The following DARS1 variants were observed in gnomAD, a reference collection of about 807,000 sequenced individuals.
The protein encoded by DARS1 is aspartate--tRNA ligase, cytoplasmic.
Under a neutral mutation model 68.8 loss-of-function variants are expected in DARS1, and 51 were observed. The ratio of observed to expected loss-of-function variants is 0.74; its 90% CI spans 0.59 to 0.94. DARS1 has a LOEUF of 0.94. DARS1 is among the 40% of genes least tolerant of loss of function. The pLI is 0.00. For missense variants in DARS1, 607 were observed against 597.3 expected (o/e 1.02, Z -0.17); for synonymous variants, 203 against 190.4 (o/e 1.07, Z -0.55).
At chr2:135,926,430 G>A (rs913807259) in intron 7 of DARS1, among the ~76,000 whole-genome samples, 73 of 151,868 alleles carry the variant, frequency 4.8e-4, no homozygotes, top group African/African-American at 1.7e-3. Context: ...ATAGGAAGAC[G>A]GCACCTACTT....
At chr2:135,921,150 T>C (rs1681103883) in intron 9 of DARS1, among the ~76,000 whole-genome samples, 1 of 149,946 alleles carries the variant, frequency 6.7e-6, no homozygotes, top group Admixed American at 6.6e-5. Context: ...CTCAGTGCCT[T>C]TTCCTCCTGT....
rs1575382595 is a variant in DARS1, at chr2:135,914,376, AT to A, written c.1149+92del. ...TTTTTATTTATTCCAGAATCATACC[AT>A]TCTAGGAAGCTCAGACCCCTCTGCA... On this transcript the variant is annotated intron_variant, in intron 12 of 15. Transcript: ENST00000264161. 3.8e-6 allele frequency: 3 copies of A among 785,426 alleles called. 1 individual carries two copies. Among genetic ancestry groups the A allele is most frequent in the Non-Finnish European group, 2.2e-6 (1 of 450,772 alleles). The allele number at this position is 785,426 out of a possible 1,614,324, so 48.7% of individuals were successfully genotyped here. A position where few individuals can be genotyped will look rare whatever the true frequency, so the allele number is the denominator to read the frequency against.
intron 5 of DARS1, among the ~76,000 whole-genome samples, chr2:135,940,688 G>C (rs549759589): frequency 1.3e-5 from 2 of 152,212 alleles, no homozygotes; most frequent in South Asian, 4.2e-4. Context: ...AGGAATAAAG[G>C]GTATTCAATT....
At chr2:135,966,265 T>G (rs1194985806) in intron 3 of DARS1, among the ~76,000 whole-genome samples, 2 of 145,824 alleles carry the variant, frequency 1.4e-5, no homozygotes, top group Non-Finnish European at 3.0e-5. Context: ...GTGAGACCTC[T>G]ATTTCCATAT....
intron 7 of DARS1, among the ~76,000 whole-genome samples, chr2:135,928,246 G>A (rs1317776740): frequency 6.6e-6 from 1 of 152,102 alleles, no homozygotes; most frequent in Non-Finnish European, 1.5e-5. Flanking sequence ...GTTCATTTAT[G>A]GTTTATCAGG....
chr2:135,965,070 T>A (rs1308600035), intron 3 of DARS1, among the ~76,000 whole-genome samples: 1 of 151,682 alleles, frequency 6.6e-6, no homozygotes, highest in African/African-American at 2.4e-5. Flanking sequence ...CAATAGAACA[T>A]AAGAAAAAAT....
intron 3 of DARS1, among the ~76,000 whole-genome samples, chr2:135,977,740 C>G (rs759705744): frequency 1.3e-5 from 2 of 152,172 alleles, no homozygotes; most frequent in Non-Finnish European, 2.9e-5. Flanking sequence ...TAGACAAACT[C>G]TTAACAATGG....
chr2:135,976,648 T>C (rs897068365), intron 3 of DARS1, among the ~76,000 whole-genome samples: 7 of 152,064 alleles, frequency 4.6e-5, no homozygotes, highest in African/African-American at 1.7e-4. Context: ...AGGAAGAACA[T>C]TCTCAAATCC....
intron 1 of DARS1, among the ~76,000 whole-genome samples, chr2:135,984,983 A>C (rs1682738641): frequency 6.6e-6 from 1 of 152,372 alleles, no homozygotes; most frequent in East Asian, 1.9e-4. Flanking sequence ...GGTTTTGCTA[A>C]GTACTGTCAT....
chr2:135,955,673 CTTTTTTTTTTTTTTTTTTTT>C (rs75123258), intron 4 of DARS1, among the ~76,000 whole-genome samples: 1,625 of 61,440 alleles, frequency 0.026, 59 homozygotes, highest in Middle Eastern at 0.16. Flanking sequence ...AAATAAAAAT[CTTTTTTTTTTTTTTTTTTTT>C]TTTTTTTTTT....
intron 3 of DARS1, among the ~76,000 whole-genome samples, chr2:135,978,689 C>A (rs1456810692): frequency 6.6e-6 from 1 of 152,162 alleles, no homozygotes; most frequent in Non-Finnish European, 1.5e-5. Flanking sequence ...AAAGAACTTT[C>A]TATGATGAGA....
At chr2:135,959,892 T>C (rs1180505380) in intron 4 of DARS1, among the ~76,000 whole-genome samples, 1 of 152,216 alleles carries the variant, frequency 6.6e-6, no homozygotes, top group Non-Finnish European at 1.5e-5. Context: ...CAAATTATTA[T>C]ACAAAAGTTG....
intron 7 of DARS1, among the ~76,000 whole-genome samples, chr2:135,930,593 A>AC (rs1165649540): frequency 6.6e-6 from 1 of 152,268 alleles, no homozygotes; most frequent in African/African-American, 2.4e-5. Flanking sequence ...TCCACAGTAT[A>AC]AGAAACCTGT....
Position 135,907,180 on chromosome 2 carries a change from T to A in DARS1, c.*136A>T, listed in dbSNP as rs1334885628. The A allele has an allele frequency of 2.0e-6, 1 of 512,438 alleles. No homozygotes were observed. The highest frequency in any genetic ancestry group is 3.4e-6 in the Non-Finnish European group (1 of 295,388). The allele number at this position is 512,438 out of a possible 1,614,324, so 31.7% of individuals were successfully genotyped here. A position where few individuals can be genotyped will look rare whatever the true frequency, so the allele number is the denominator to read the frequency against. On this transcript the variant is annotated 3_prime_UTR_variant, in exon 16 of 16. Transcript: ENST00000264161. ...CTTGCAAATTTATTCTAGTGCATAT[T>A]TTAAGTACCTAAAGTACAGCCTGTG... is the stretch of plus-strand genomic sequence containing the variant.
At chr2:135,924,846 A>G (rs547579487) in intron 7 of DARS1, among the ~76,000 whole-genome samples, 22 of 152,322 alleles carry the variant, frequency 1.4e-4, no homozygotes, top group African/African-American at 5.3e-4. Context: ...AAAGTGAGAC[A>G]TAGCAATGTT....
At chr2:135,948,607 G>A (rs146198368) in intron 4 of DARS1, among the ~76,000 whole-genome samples, 1 of 152,298 alleles carries the variant, frequency 6.6e-6, no homozygotes, top group East Asian at 1.9e-4. Flanking sequence ...GCTCATGCCT[G>A]TAATCTCAGC....
intron 13 of DARS1, 25 bp downstream of exon 13, chr2:135,912,461 G>A (rs1018922575): frequency 2.5e-6 from 2 of 800,638 alleles, no homozygotes; most frequent in Non-Finnish European, 4.3e-6. Flanking sequence ...CCTCAAAATG[G>A]GTTACTTAAA....
chr2:135,949,421 A>C (rs1349690854), intron 4 of DARS1, among the ~76,000 whole-genome samples: 1 of 152,160 alleles, frequency 6.6e-6, no homozygotes, highest in African/African-American at 2.4e-5. Context: ...GCACACATAC[A>C]AAAAAATTTT....
Position 135,962,876 on chromosome 2 carries a change from G to GT in DARS1, c.218-1379dup. ...GAACTACTACTGAAACCACAGCCAC[G>GT]TTACCCCACTTAGAAAAGTATGTTA... On this transcript the variant is annotated intron_variant, in intron 3 of 15. Coordinates refer to ENST00000264161, the MANE Select transcript of DARS1 (RefSeq NM_001349.4). Among the ~76,000 whole-genome samples, 3 of 152,248 alleles carry GT rather than the reference G, an allele frequency of 2.0e-5. No individual in the cohort carries two copies. The East Asian group carries it at 5.8e-4, about 29-fold the overall frequency.
Sources: gnomAD v4.1 joint callset for allele counts (sites outside exome capture counted in the v4.1 genomes callset) on GRCh38, gnomAD v4.1.1 for gene constraint, MANE v1.5 for transcripts, NCBI Gene and HGNC (gene_info 2026-07-23, HGNC 2026-07-21) for gene names.